The following MARK1 variants were observed in gnomAD, a reference collection of about 807,000 sequenced individuals.
The protein encoded by MARK1 is microtubule affinity regulating kinase 1, also known as serine/threonine-protein kinase MARK1.
In MARK1, 40 loss-of-function variants were observed where a neutral mutation model predicts 96.3. The observed-to-expected ratio is 0.42, with a 90% CI of 0.32 to 0.54. The LOEUF (loss-of-function observed/expected upper bound fraction) is 0.54. MARK1 is among the 20% of genes least tolerant of loss of function. The probability of loss-of-function intolerance (pLI) is 0.16; values close to 1 mark genes in which losing one functional copy is unlikely to be tolerated. For missense variants in MARK1, 719 were observed against 984.6 expected, an observed-to-expected ratio of 0.73 and a Z score of 3.61; for synonymous variants, 317 against 341.2, an observed-to-expected ratio of 0.93 and a Z score of 0.78.
At chr1:220,546,581 T>G (rs917511934) in intron 1 of MARK1, among the ~76,000 whole-genome samples, 3 of 152,248 alleles carry the variant, frequency 2.0e-5, no homozygotes, top group Non-Finnish European at 4.4e-5. Flanking sequence ...TGCTCTGTTC[T>G]GGGTTAGATT....
At chr1:220,556,978 A>T (rs1430843099) in intron 1 of MARK1, among the ~76,000 whole-genome samples, 1 of 152,160 alleles carries the variant, frequency 6.6e-6, no homozygotes, top group African/African-American at 2.4e-5. Context: ...TAAATTTTTG[A>T]GAGGCAGTAT....
Position 220,538,705 on chromosome 1 carries a change from A to G in MARK1, c.51+9832A>G, listed in dbSNP as rs558834679. Among the ~76,000 whole-genome samples the G allele has an allele frequency of 2.0e-5, 3 of 152,354 alleles. No individual in the cohort carries two copies. The South Asian group carries it at 6.2e-4, about 32-fold the overall frequency. The stretch of plus-strand genomic sequence containing the variant: ...ATATTGATTCTTCCTACCCATGAGC[A>G]TGGAATGTTCTTCCATTTGTTTGTA... On this transcript the variant is annotated intron_variant, in intron 1 of 17. Transcript: ENST00000366917.
Position 220,632,300 on chromosome 1 carries a change from GA to G in MARK1, c.1113del (p.Lys371AsnfsTer26). The G allele has an allele frequency of 6.7e-7, 1 of 1,496,108 alleles. No homozygotes were observed. The highest frequency in any genetic ancestry group is 1.3e-5 in the South Asian group (1 of 74,290). The allele number at this position is 1,496,108 out of a possible 1,614,324, so 92.7% of individuals were successfully genotyped here. A position where few individuals can be genotyped will look rare whatever the true frequency, so the allele number is the denominator to read the frequency against. On this transcript the variant is annotated frameshift_variant, in exon 11 of 18. Transcript: ENST00000366917. LOFTEE classifies it high-confidence loss of function. ...ATGGCTACTTATATTCTTCTAGGTAGAAAACCACCTGAAGTAAGTTTTTCAC... is the reference window on the plus strand; with the variant it reads ...ATGGCTACTTATATTCTTCTAGGTAGAAACCACCTGAAGTAAGTTTTTCAC... ...EVMATYILLG[R>X]KPPEFEGGES...
At chr1:220,614,333 T>C (rs1666620292) in intron 6 of MARK1, among the ~76,000 whole-genome samples, 1 of 152,106 alleles carries the variant, frequency 6.6e-6, no homozygotes, top group Admixed American at 6.6e-5. Flanking sequence ...TCCCTTGTCA[T>C]TAATGCATTT....
chr1:220,553,516 A>G (rs1161832824), intron 1 of MARK1, among the ~76,000 whole-genome samples: 1 of 152,156 alleles, frequency 6.6e-6, no homozygotes, highest in Non-Finnish European at 1.5e-5. Context: ...GGAGCATCTC[A>G]TGCAATGTAA....
In MARK1 at chr1:220,661,823, G is replaced by C. The variant is rs764629768; in HGVS notation, c.2045G>C (p.Gly682Ala). 6.8e-6 allele frequency: 11 copies of C among 1,606,038 alleles called. No individual in the cohort carries two copies. Among genetic ancestry groups the C allele is most frequent in the Middle Eastern group, 1.7e-4 (1 of 6,048 alleles). ...CCCTCTTGTTCCAGAAGTACATCAG[G>C]GGAACCAAAAGAAAGAGACAAGGAA... ...GRTDTSRSTS[G>A]EPKERDKEEG... The change falls in exon 18 of 18, where the codon GGG (glycine) becomes GCG (alanine). Residue 682 changes from glycine to alanine, a missense_variant. By Grantham distance (60) the Gly-to-Ala change is moderately conservative (BLOSUM62 0). Transcript: ENST00000366917.
At chr1:220,625,365 T>C (rs899847316) in intron 9 of MARK1, among the ~76,000 whole-genome samples, 1 of 152,224 alleles carries the variant, frequency 6.6e-6, no homozygotes, top group Non-Finnish European at 1.5e-5. Context: ...TGGGTACTTT[T>C]AGGTGCTGGA....
At chr1:220,583,762 A>G (rs1572124217) in intron 3 of MARK1, among the ~76,000 whole-genome samples, 1 of 147,442 alleles carries the variant, frequency 6.8e-6, no homozygotes, top group East Asian at 2.0e-4. Context: ...GATTCTCCTG[A>G]CTCAGCCTCC....
Position 220,605,472 on chromosome 1 carries a change from T to A in MARK1, c.495+1335T>A, listed in dbSNP as rs193186519. On this transcript the variant is annotated intron_variant, in intron 6 of 17. Coordinates refer to ENST00000366917, the MANE Select transcript of MARK1 (RefSeq NM_018650.5). ...TAAAGTATTACACACATCATTTTTT[T>A]AAATTTTTATTTATTTTATTTTATT... 1.9e-3 allele frequency among the ~76,000 whole-genome samples: 285 copies of A among 151,980 alleles called. 1 individual carries two copies. Among genetic ancestry groups the A allele is most frequent in the African/African-American group, 6.1e-3 (252 of 41,450 alleles).
intron 1 of MARK1, among the ~76,000 whole-genome samples, chr1:220,540,946 T>G (rs1364980697): frequency 3.3e-5 from 5 of 152,128 alleles, no homozygotes; most frequent in African/African-American, 9.7e-5. Flanking sequence ...CTTTTTTTTT[T>G]TGTTTGAGAT....
chr1:220,656,177 G>A (rs1194896108), intron 16 of MARK1, among the ~76,000 whole-genome samples: 1 of 152,180 alleles, frequency 6.6e-6, no homozygotes, highest in Non-Finnish European at 1.5e-5. Context: ...GTTAGAGCCA[G>A]CTGCACCTTC....
At chr1:220,646,837 A>T (rs1668602269) in intron 13 of MARK1, among the ~76,000 whole-genome samples, 1 of 152,216 alleles carries the variant, frequency 6.6e-6, no homozygotes, top group Non-Finnish European at 1.5e-5. Flanking sequence ...GTGCTGGGAG[A>T]ACTAGCTAGC....
At chr1:220,563,348 G>C (rs2102784411) in intron 1 of MARK1, among the ~76,000 whole-genome samples, 1 of 152,196 alleles carries the variant, frequency 6.6e-6, no homozygotes, top group Non-Finnish European at 1.5e-5. Context: ...AACATTTATT[G>C]AATGCTTAGT....
intron 3 of MARK1, among the ~76,000 whole-genome samples, chr1:220,592,633 A>G (rs563298745): frequency 1.7e-4 from 26 of 152,298 alleles, no homozygotes; most frequent in African/African-American, 3.6e-4. Context: ...TATGTTGTAA[A>G]TTGCTAGGGT....
intron 1 of MARK1, among the ~76,000 whole-genome samples, chr1:220,573,354 C>T (rs555810785): frequency 4.6e-5 from 7 of 151,992 alleles, no homozygotes; most frequent in Admixed American, 6.6e-5. Flanking sequence ...GATGGAGTCT[C>T]GCTTTGTCGC....
intron 1 of MARK1, among the ~76,000 whole-genome samples, chr1:220,551,329 A>G (rs1165768202): frequency 1.3e-5 from 2 of 152,198 alleles, no homozygotes; most frequent in African/African-American, 4.8e-5. Flanking sequence ...TGCCTTCTTA[A>G]TCTTGTGCAA....
In MARK1 at chr1:220,599,875, G is replaced by A. The variant is rs769353089; in HGVS notation, c.424+12G>A. 4 of 1,589,698 alleles carry A rather than the reference G, an allele frequency of 2.5e-6. No individual in the cohort carries two copies. The Admixed American group carries it at 7.0e-5, about 28-fold the overall frequency. ...ATACGCGAGTGGGGGTAAGAATGAG[G>A]GTGATTGAAAAGTTCTCTTTGCTGA... On this transcript the variant is annotated intron_variant, in intron 5 of 17. Transcript: ENST00000366917.
chr1:220,588,633 A>G (rs185908832), intron 3 of MARK1, among the ~76,000 whole-genome samples: 3 of 152,328 alleles, frequency 2.0e-5, no homozygotes, highest in Admixed American at 1.3e-4. Flanking sequence ...TGACATCCCA[A>G]TGAGATGTCT....
chr1:220,610,739 T>C (rs1666392774), intron 6 of MARK1, among the ~76,000 whole-genome samples: 1 of 152,144 alleles, frequency 6.6e-6, no homozygotes. Flanking sequence ...GGGGTTTTTA[T>C]GTAGATGACC....
Sources: gnomAD v4.1 joint callset for allele counts (sites outside exome capture counted in the v4.1 genomes callset) on GRCh38, gnomAD v4.1.1 for gene constraint, MANE v1.5 for transcripts, NCBI Gene and HGNC (gene_info 2026-07-23, HGNC 2026-07-21) for gene names.